ZNF429: variants seen among roughly 807,000 people sequenced by gnomAD.
The protein encoded by ZNF429 is zinc finger protein 429.
In ZNF429, 53 loss-of-function variants were observed where a neutral mutation model predicts 56.8. That is an observed-to-expected ratio of 0.93 (90% CI 0.75 to 1.17). ZNF429 has a LOEUF of 1.17. Ranked by LOEUF, ZNF429 falls within the 50% of genes most tolerant of loss-of-function variation. The probability of loss-of-function intolerance (pLI) is 0.00; values close to 1 mark genes in which losing one functional copy is unlikely to be tolerated. For missense variants in ZNF429, 849 were observed against 788.4 expected, an observed-to-expected ratio of 1.08 and a Z score of -0.92; for synonymous variants, 278 against 264.7, an observed-to-expected ratio of 1.05 and a Z score of -0.49.
chr19:21,507,137 C>T (rs1205363611), intron 1 of ZNF429, among the ~76,000 whole-genome samples: 1 of 152,084 alleles, frequency 6.6e-6, no homozygotes, highest in Non-Finnish European at 1.5e-5. Flanking sequence ...TACCACTTAA[C>T]TATTTTCACT....
intron 1 of ZNF429, among the ~76,000 whole-genome samples, chr19:21,522,575 T>C (rs935773175): frequency 1.3e-5 from 2 of 152,188 alleles, no homozygotes; most frequent in Non-Finnish European, 2.9e-5. Context: ...GAGGGTACTT[T>C]TCCTCTCAGG....
At chr19:21,512,243 A>G (rs893389805) in intron 1 of ZNF429, among the ~76,000 whole-genome samples, 4 of 152,150 alleles carry the variant, frequency 2.6e-5, no homozygotes, top group African/African-American at 9.7e-5. Context: ...TGTGGCAGTG[A>G]GGACAATCAG....
At chr19:21,505,827 CG>C in intron 1 of ZNF429, 53 bp downstream of exon 1, 1 of 1,598,052 alleles carries the variant, frequency 6.3e-7, no homozygotes, top group Non-Finnish European at 8.5e-7. Flanking sequence ...TGGTCGGAAC[CG>C]TGAGAAGTGG....
chr19:21,530,137 G>T, intron 2 of ZNF429, among the ~76,000 whole-genome samples: 1 of 151,168 alleles, frequency 6.6e-6, no homozygotes, highest in South Asian at 2.1e-4. Context: ...CTTGCAGTGA[G>T]CGGAGATAGC....
chr19:21,518,800 TGCCCACCTCA>T (rs1390300372), intron 1 of ZNF429: 1 of 137,600 alleles, frequency 7.3e-6, no homozygotes, highest in Non-Finnish European at 1.6e-5. Flanking sequence ...CATCGTGATC[TGCCCACCTCA>T]GCCTTCCAAA....
Position 21,530,642 on chromosome 19 carries a change from C to T in ZNF429, c.184C>T (p.Pro62Ser). Residue 62 changes from proline (P) to serine (S), a missense_variant, in exon 3 of 4, where the codon CCC becomes TCC. By Grantham distance (74) the Pro-to-Ser change is moderately conservative. Coordinates refer to ENST00000358491, the MANE Select transcript of ZNF429 (RefSeq NM_001001415.4). ...CACTTGTCTAGAGAAAGAAAAAGAA[C>T]CCTGCAAGATGAAGCGACATGAAAT... Reference protein sequence around the residue: ...LITCLEKEKEPCKMKRHEMVD... With the variant: ...LITCLEKEKESCKMKRHEMVD... The T allele has an allele frequency of 1.9e-6, 3 of 1,612,106 alleles. No individual in the cohort carries two copies. Among genetic ancestry groups the T allele is most frequent in the Non-Finnish European group, 2.5e-6 (3 of 1,178,960 alleles).
intron 1 of ZNF429, among the ~76,000 whole-genome samples, chr19:21,522,313 A>G (rs2033011694): frequency 6.6e-6 from 1 of 152,200 alleles, no homozygotes; most frequent in Non-Finnish European, 1.5e-5. Flanking sequence ...TCTGTATGAC[A>G]TGGTGCTGTA....
intron 3 of ZNF429, among the ~76,000 whole-genome samples, chr19:21,535,349 C>CTCT: frequency 1.7e-5 from 1 of 60,064 alleles, no homozygotes; most frequent in African/African-American, 7.4e-5. Flanking sequence ...CTTTCCTTTC[C>CTCT]TTTCTTTTCT....
At chr19:21,512,285 G>A (rs566620636) in intron 1 of ZNF429, among the ~76,000 whole-genome samples, 1 of 152,210 alleles carries the variant, frequency 6.6e-6, no homozygotes, top group Admixed American at 6.5e-5. Flanking sequence ...TGGTTTTGGT[G>A]GGTTTTAGCT....
At chr19:21,525,725 A>T (rs1228486172) in intron 1 of ZNF429, among the ~76,000 whole-genome samples, 1 of 133,636 alleles carries the variant, frequency 7.5e-6, no homozygotes, top group African/African-American at 2.8e-5. Context: ...GTTGCTCCAC[A>T]AGTCACAATA....
rs1323494236 is a variant in ZNF429, at chr19:21,529,668, C to A, written c.14C>A (p.Thr5Lys). The A allele has an allele frequency of 4.4e-6, 7 of 1,582,948 alleles. No individual in the cohort carries two copies. The highest frequency in any genetic ancestry group is 6.0e-6 in the Non-Finnish European group (7 of 1,163,024). MGPL[T>K]FTDVAIEFSL... ...GTGTGTGTGTTTCAGGGACCATTGA[C>A]ATTTACAGATGTGGCCATAGAATTC... is the stretch of plus-strand genomic sequence containing the variant. The change falls in exon 2 of 4, where the codon ACA (threonine) becomes AAA (lysine). Residue 5 changes from threonine (T) to lysine (K), a missense_variant. By Grantham distance (78) the Thr-to-Lys change is moderately conservative (BLOSUM62 -1). Coordinates refer to ENST00000358491, the MANE Select transcript of ZNF429 (RefSeq NM_001001415.4).
At chr19:21,535,401 C>A in intron 3 of ZNF429, among the ~76,000 whole-genome samples, 2 of 26,396 alleles carry the variant, frequency 7.6e-5, no homozygotes, top group Non-Finnish European at 1.3e-4. Flanking sequence ...TTCTTTCTTT[C>A]TTTCTTTTTC....
intron 1 of ZNF429, among the ~76,000 whole-genome samples, chr19:21,510,890 G>A (rs1445466659): frequency 1.3e-5 from 2 of 152,100 alleles, no homozygotes; most frequent in African/African-American, 2.4e-5. Flanking sequence ...AGAGCACAGG[G>A]TTGGGGGTAA....
chr19:21,524,134 T>C (rs141189304), intron 1 of ZNF429, among the ~76,000 whole-genome samples: 1 of 152,328 alleles, frequency 6.6e-6, no homozygotes, highest in African/African-American at 2.4e-5. Flanking sequence ...CTGGTATAAA[T>C]AGAATCTAAT....
At chr19:21,528,283 A>G (rs994393563) in intron 1 of ZNF429, among the ~76,000 whole-genome samples, 1 of 152,140 alleles carries the variant, frequency 6.6e-6, no homozygotes, top group Non-Finnish European at 1.5e-5. Flanking sequence ...GCAGAACAGG[A>G]TTTTCAAAAT....
rs1026094911 is a variant in ZNF429 at position 21,536,907 on chromosome 19, A to G, written c.854A>G (p.Tyr285Cys). 6.2e-7 allele frequency: 1 copy of G among 1,612,390 alleles called. No individual in the cohort carries two copies. Among genetic ancestry groups the G allele is most frequent in the Non-Finnish European group, 8.5e-7 (1 of 1,179,164 alleles). The change falls in exon 4 of 4, where the codon TAC (tyrosine) becomes TGC (cysteine). Residue 285 changes from tyrosine to cysteine, a missense_variant. Transcript: ENST00000358491. ...AGAATTCATTCTGGAGAGAAGCCCT[A>G]CAAATGTGATGAATGTGGCAAAACC... ...HKRIHSGEKP[Y>C]KCDECGKTFS...
Position 21,539,864 on chromosome 19 carries a change from C to T in ZNF429, c.*1786C>T, listed in dbSNP as rs1219063477. On this transcript the variant is annotated 3_prime_UTR_variant, in exon 4 of 4. Transcript: ENST00000358491. ...TGTGAAAGCATGTGATCAATTATTGCTGCATCACATATAGACTCATTAGGT... is the reference window on the plus strand; with the variant it reads ...TGTGAAAGCATGTGATCAATTATTGTTGCATCACATATAGACTCATTAGGT... Among the ~76,000 whole-genome samples the T allele has an allele frequency of 6.6e-6, 1 of 152,066 alleles. No homozygotes were observed. Among genetic ancestry groups the T allele is most frequent in the East Asian group, 1.9e-4 (1 of 5,178 alleles).
rs1319742579 is a variant in ZNF429, at chr19:21,536,760, A to G, written c.707A>G (p.Lys236Arg). 3 of 1,614,020 alleles carry G rather than the reference A, an allele frequency of 1.9e-6. No individual in the cohort carries two copies. The East Asian group carries it at 6.7e-5, about 36-fold the overall frequency. ...EKHYRCEECG[K>R]AFNHYSTLTN... ...CACTACAGATGTGAAGAATGTGGCA[A>G]AGCATTTAACCACTACTCAACCCTT... Residue 236 changes from lysine to arginine, a missense_variant, in exon 4 of 4, where the codon AAA (lysine) becomes AGA (arginine). Transcript: ENST00000358491.
intron 1 of ZNF429, among the ~76,000 whole-genome samples, chr19:21,516,581 G>A (rs957787815): frequency 6.6e-6 from 1 of 152,166 alleles, no homozygotes; most frequent in South Asian, 2.1e-4. Flanking sequence ...TGAGCATAAA[G>A]TAGTTTTTGA....
Sources: gnomAD v4.1 joint callset for allele counts (sites outside exome capture counted in the v4.1 genomes callset) on GRCh38, gnomAD v4.1.1 for gene constraint, MANE v1.5 for transcripts, NCBI Gene and HGNC (gene_info 2026-07-23, HGNC 2026-07-21) for gene names.